The following ATRNL1 variants were observed in gnomAD, a reference collection of about 807,000 sequenced individuals.
The protein encoded by ATRNL1 is attractin-like protein 1.
In ATRNL1, 95 loss-of-function variants were observed where a neutral mutation model predicts 182.7. The observed-to-expected ratio is 0.52, with a 90% CI of 0.44 to 0.62. The LOEUF is 0.62. Ranked by LOEUF, ATRNL1 falls within the 20% of genes least tolerant of loss-of-function variation. The probability of loss-of-function intolerance (pLI) is 0.00; values close to 1 mark genes in which losing one functional copy is unlikely to be tolerated. For missense variants in ATRNL1, 1,471 were observed against 1,679.5 expected (o/e 0.88, Z 2.17); for synonymous variants, 576 against 568.3 (o/e 1.01, Z -0.19).
chr10:115,394,412 T>C lies in ATRNL1; in HGVS notation c.3176-247T>C, dbSNP rs550605760. Among the ~76,000 whole-genome samples the C allele has an allele frequency of 1.1e-4, 16 of 152,038 alleles. No individual in the cohort carries two copies. In the South Asian group the frequency reaches 3.3e-3, roughly 32 times the overall value. Reference sequence around the variant, plus strand: ...GAGAGAAGCCCAAAGAAGAATTAGATAACAGTTATATCCACAGTAGACTTC... The same window carrying C: ...GAGAGAAGCCCAAAGAAGAATTAGACAACAGTTATATCCACAGTAGACTTC... On this transcript the variant is annotated intron_variant, in intron 19 of 28. Transcript: ENST00000355044.
intron 27 of ATRNL1, among the ~76,000 whole-genome samples, chr10:115,765,213 T>C (rs549549944): frequency 1.3e-5 from 2 of 152,290 alleles, no homozygotes; most frequent in Admixed American, 6.5e-5. Context: ...CTGGATCATA[T>C]GGTCAGGGTA....
intron 1 of ATRNL1, among the ~76,000 whole-genome samples, chr10:115,117,168 A>G (rs1325166956): frequency 2.6e-5 from 4 of 152,140 alleles, no homozygotes; most frequent in African/African-American, 9.6e-5. Flanking sequence ...AAGATAGGGT[A>G]TTTATCTCAA....
At chr10:115,869,753 A>G (rs576911339) in intron 28 of ATRNL1, among the ~76,000 whole-genome samples, 1 of 152,278 alleles carries the variant, frequency 6.6e-6, no homozygotes, top group South Asian at 2.1e-4. Flanking sequence ...GACTTTAGAC[A>G]TATTTGGATT....
chr10:115,662,989 A>G (rs1436929072), intron 26 of ATRNL1, among the ~76,000 whole-genome samples: 2 of 152,162 alleles, frequency 1.3e-5, no homozygotes, highest in African/African-American at 4.8e-5. Flanking sequence ...CATGGAAACT[A>G]TCAAGTGAAG....
At position 115,315,705 on chromosome 10, in the gene ATRNL1, G is replaced by A; in HGVS notation, c.3006G>A (p.Lys1002=). 1.2e-6 allele frequency: 2 copies of A among 1,613,444 alleles called. No individual in the cohort carries two copies. The highest frequency in any genetic ancestry group is 1.7e-6 in the Non-Finnish European group (2 of 1,179,816). ...VLDTNLCPKE[K]NYEWSFIQCP... The stretch of plus-strand genomic sequence containing the variant: ...ACACCAATCTTTGCCCCAAAGAAAA[G>A]AACTATGAGTGGTCCTTTATCCAGT... Residue 1002 remains lysine (K), a synonymous_variant, in exon 18 of 29, where the codon AAG becomes AAA. Transcript: ENST00000355044.
At chr10:115,510,042 T>C in intron 24 of ATRNL1, among the ~76,000 whole-genome samples, 1 of 152,018 alleles carries the variant, frequency 6.6e-6, no homozygotes, top group East Asian at 1.9e-4. Context: ...GTGGTAGAGA[T>C]AGCATGAGTA....
At chr10:115,388,553 A>G (rs1843791852) in intron 19 of ATRNL1, among the ~76,000 whole-genome samples, 1 of 151,978 alleles carries the variant, frequency 6.6e-6, no homozygotes, top group African/African-American at 2.4e-5. Flanking sequence ...ACTTTAGCGC[A>G]TGTAGTTGGT....
chr10:115,871,670 G>A (rs1414475332), intron 28 of ATRNL1, among the ~76,000 whole-genome samples: 3 of 151,840 alleles, frequency 2.0e-5, no homozygotes, highest in African/African-American at 7.3e-5. Context: ...TAAACTCTGG[G>A]CTATCATGGA....
intron 26 of ATRNL1, among the ~76,000 whole-genome samples, chr10:115,653,277 T>G (rs1319012531): frequency 1.3e-5 from 2 of 152,190 alleles, no homozygotes; most frequent in African/African-American, 4.8e-5. Context: ...TCATGTACAT[T>G]TATTTTGGTC....
At chr10:115,449,605 C>T (rs10885717) in intron 21 of ATRNL1, among the ~76,000 whole-genome samples, 33,665 of 152,012 alleles carry the variant, frequency 0.22, 4,690 homozygotes, top group Non-Finnish European at 0.31. Context: ...GTTGTGGGTA[C>T]CCCCCAGACA....
intron 24 of ATRNL1, among the ~76,000 whole-genome samples, chr10:115,471,107 C>T (rs1848289389): frequency 6.6e-6 from 1 of 150,544 alleles, no homozygotes; most frequent in Non-Finnish European, 1.5e-5. Flanking sequence ...TCTATGTTGT[C>T]ACAAATAGCA....
chr10:115,455,339 A>G (rs1372841215), intron 21 of ATRNL1, among the ~76,000 whole-genome samples: 2 of 152,120 alleles, frequency 1.3e-5, no homozygotes, highest in Non-Finnish European at 2.9e-5. Context: ...CCACACGTCT[A>G]CAACCATCTG....
At chr10:115,918,405 T>C (rs1317047156) in intron 28 of ATRNL1, among the ~76,000 whole-genome samples, 1 of 152,150 alleles carries the variant, frequency 6.6e-6, no homozygotes, top group African/African-American at 2.4e-5. Flanking sequence ...GTCCGGCCTT[T>C]TTAGCGTCTT....
intron 8 of ATRNL1, among the ~76,000 whole-genome samples, chr10:115,192,171 A>G (rs558837617): frequency 6.6e-6 from 1 of 152,190 alleles, no homozygotes; most frequent in African/African-American, 2.4e-5. Context: ...AAATCTGCCC[A>G]GACCAATGTC....
chr10:115,268,967 T>C (rs1851723787), intron 13 of ATRNL1, among the ~76,000 whole-genome samples: 1 of 152,198 alleles, frequency 6.6e-6, no homozygotes, highest in Non-Finnish European at 1.5e-5. Context: ...TGCAGAGACA[T>C]TTTGGTTGTC....
chr10:115,552,579 T>C (rs527603099), intron 26 of ATRNL1, among the ~76,000 whole-genome samples: 1 of 151,588 alleles, frequency 6.6e-6, no homozygotes, highest in South Asian at 2.1e-4. Flanking sequence ...ATTGTGTTCA[T>C]TCAACTAGAT....
chr10:115,903,893 A>G (rs571442705), intron 28 of ATRNL1, among the ~76,000 whole-genome samples: 3 of 152,150 alleles, frequency 2.0e-5, no homozygotes, highest in Non-Finnish European at 4.4e-5. Flanking sequence ...TCATTCCCCT[A>G]AGATTTTTTA....
rs1429838434 is a variant in ATRNL1 at position 115,332,564 on chromosome 10, G to A, written c.3038-1718G>A. Among the ~76,000 whole-genome samples the A allele has an allele frequency of 3.3e-5, 5 of 152,116 alleles. No individual in the cohort carries two copies. The East Asian group carries it at 7.7e-4, about 23-fold the overall frequency. ...TAATTGTTTCATAATGTAATATGGA[G>A]TTTAAAAACATTATAATTATTCTCA... On this transcript the variant is annotated intron_variant, in intron 18 of 28. Transcript: ENST00000355044.
chr10:115,223,001 C>T (rs576756285), intron 9 of ATRNL1, among the ~76,000 whole-genome samples: 13 of 152,118 alleles, frequency 8.5e-5, no homozygotes, highest in African/African-American at 1.2e-4. Context: ...GAAAGTTGGT[C>T]GGGCATGGTG....
Sources: gnomAD v4.1 joint callset for allele counts (sites outside exome capture counted in the v4.1 genomes callset) on GRCh38, gnomAD v4.1.1 for gene constraint, MANE v1.5 for transcripts, NCBI Gene and HGNC (gene_info 2026-07-23, HGNC 2026-07-21) for gene names.